The following PIK3CB variants were observed in gnomAD, a reference collection of about 807,000 sequenced individuals.
The protein encoded by PIK3CB is phosphatidylinositol 4,5-bisphosphate 3-kinase catalytic subunit beta isoform.
A neutral mutation model predicts 136.8 loss-of-function variants in PIK3CB; 39 were observed. The observed-to-expected ratio is 0.29, with a 90% CI of 0.22 to 0.37. PIK3CB has a LOEUF of 0.37. PIK3CB is among the 10% of genes least tolerant of loss of function. PIK3CB has a pLI of 1.00. For missense variants in PIK3CB, 868 were observed against 1,275.4 expected (o/e 0.68, Z 4.87); for synonymous variants, 428 against 436.6 (o/e 0.98, Z 0.25).
rs142968005 is a variant in PIK3CB at position 138,656,295 on chromosome 3, C to G, written c.2943-21G>C. On this transcript the variant is annotated intron_variant, in intron 22 of 23. Coordinates refer to ENST00000674063, the MANE Select transcript of PIK3CB (RefSeq NM_006219.3). The stretch of plus-strand genomic sequence containing the variant: ...GGAACCTTTGGGTGATGCAGCAAAC[C>G]ACATGAGCACAGTGTTAGAGGGGAG... The G allele has an allele frequency of 1.8e-4, 295 of 1,613,766 alleles. 1 individual carries two copies. In the African/African-American group the frequency reaches 3.6e-3, roughly 20 times the overall value.
chr3:138,680,727 T>C (rs1463426953), intron 19 of PIK3CB, among the ~76,000 whole-genome samples: 1 of 152,046 alleles, frequency 6.6e-6, no homozygotes, highest in Non-Finnish European at 1.5e-5. Context: ...TCGCTCTTGT[T>C]GCCCTGACTG....
intron 8 of PIK3CB, among the ~76,000 whole-genome samples, chr3:138,723,986 C>A (rs1272819340): frequency 6.6e-6 from 1 of 152,130 alleles, no homozygotes; most frequent in Non-Finnish European, 1.5e-5. Flanking sequence ...ACTTCAGACA[C>A]CAAATGTGAG....
At chr3:138,724,296 A>G (rs2044791888) in intron 8 of PIK3CB, among the ~76,000 whole-genome samples, 1 of 152,344 alleles carries the variant, frequency 6.6e-6, no homozygotes, top group African/African-American at 2.4e-5. Flanking sequence ...AGAAATGAAT[A>G]GCCAAATGAA....
intron 2 of PIK3CB, among the ~76,000 whole-genome samples, chr3:138,782,368 A>C (rs1259861776): frequency 6.6e-6 from 1 of 152,256 alleles, no homozygotes; most frequent in East Asian, 1.9e-4. Flanking sequence ...GCGAATGAAG[A>C]AACGATGGAA....
intron 10 of PIK3CB, chr3:138,707,518 T>G (rs1258907691): frequency 5.4e-6 from 7 of 1,293,488 alleles, no homozygotes; most frequent in Non-Finnish European, 6.8e-6. Flanking sequence ...CAAAACTGAA[T>G]GACTACTTTA....
chr3:138,696,238 A>T (rs1292756497), intron 13 of PIK3CB, among the ~76,000 whole-genome samples: 2 of 148,662 alleles, frequency 1.3e-5, no homozygotes, highest in African/African-American at 5.0e-5. Context: ...CCTGGAGTGC[A>T]GTGGCACTAT....
intron 8 of PIK3CB, among the ~76,000 whole-genome samples, chr3:138,727,147 A>C (rs2044856725): frequency 6.6e-6 from 1 of 152,312 alleles, no homozygotes; most frequent in East Asian, 1.9e-4. Context: ...CAGAGATGGA[A>C]GATGTTCAAG....
At chr3:138,741,085 G>T (rs1576375846) in intron 5 of PIK3CB, among the ~76,000 whole-genome samples, 1 of 152,140 alleles carries the variant, frequency 6.6e-6, no homozygotes, top group Non-Finnish European at 1.5e-5. Context: ...TTGAACTTTA[G>T]ACTCAACGTA....
At chr3:138,705,174 CA>C (rs1159172292) in intron 11 of PIK3CB, among the ~76,000 whole-genome samples, 5 of 57,062 alleles carry the variant, frequency 8.8e-5, no homozygotes, top group African/African-American at 4.3e-4. Flanking sequence ...AAAAAAAAAA[CA>C]AAAAACAAAA....
chr3:138,676,172 T>C (rs1242811654), intron 19 of PIK3CB, among the ~76,000 whole-genome samples: 2 of 152,116 alleles, frequency 1.3e-5, no homozygotes, highest in Non-Finnish European at 2.9e-5. Flanking sequence ...AATGGACATT[T>C]CACCAAAAAA....
rs2043154623 is a variant in PIK3CB at position 138,654,125 on chromosome 3, C to G, written c.*1264G>C. 1 of 202,672 alleles carries G rather than the reference C, an allele frequency of 4.9e-6. No individual in the cohort carries two copies. Among genetic ancestry groups the G allele is most frequent in the Non-Finnish European group, 1.0e-5 (1 of 98,802 alleles). 12.6% of individuals were successfully genotyped at this position (202,672 alleles called of 1,614,324 possible). Reference sequence around the variant, plus strand: ...ATAAAATTCCTATAGAAAGCTCAGTCATAGGGCAAATACTCAGTTCTCTTT... The same window carrying G: ...ATAAAATTCCTATAGAAAGCTCAGTGATAGGGCAAATACTCAGTTCTCTTT... On this transcript the variant is annotated 3_prime_UTR_variant, in exon 24 of 24. Coordinates refer to ENST00000674063, the MANE Select transcript of PIK3CB (RefSeq NM_006219.3).
chr3:138,717,634 T>C (rs1345062481), intron 8 of PIK3CB, among the ~76,000 whole-genome samples: 1 of 152,202 alleles, frequency 6.6e-6, no homozygotes, highest in African/African-American at 2.4e-5. Context: ...TATTTCATCA[T>C]CTAGGCATTA....
chr3:138,760,899 C>A (rs1029680969), intron 2 of PIK3CB, among the ~76,000 whole-genome samples: 1 of 151,882 alleles, frequency 6.6e-6, no homozygotes, highest in Non-Finnish European at 1.5e-5. Context: ...AAAGTGAGAC[C>A]CTGTCTTAAA....
intron 19 of PIK3CB, among the ~76,000 whole-genome samples, chr3:138,675,394 T>C (rs1459716444): frequency 6.6e-6 from 1 of 151,538 alleles, no homozygotes; most frequent in African/African-American, 2.4e-5. Flanking sequence ...GCAGAAAAAA[T>C]ATATGAAAAA....
At chr3:138,799,176 C>CTT (rs1157343453) in intron 1 of PIK3CB, among the ~76,000 whole-genome samples, 1,461 of 130,960 alleles carry the variant, frequency 0.011, 78 homozygotes, top group African/African-American at 0.043. Context: ...TCAAATCTTA[C>CTT]TTTTTTTTTT....
intron 15 of PIK3CB, among the ~76,000 whole-genome samples, chr3:138,690,024 T>C (rs2043974310): frequency 6.6e-6 from 1 of 152,142 alleles, no homozygotes. Context: ...ATACTTATTT[T>C]GTTATTCCCT....
chr3:138,706,182 G>A (rs1218930185), intron 11 of PIK3CB, among the ~76,000 whole-genome samples: 1 of 152,170 alleles, frequency 6.6e-6, no homozygotes, highest in Non-Finnish European at 1.5e-5. Flanking sequence ...GTAATTTGAG[G>A]CTCAATAATT....
At chr3:138,682,573 G>C (rs2043803910) in intron 18 of PIK3CB, among the ~76,000 whole-genome samples, 1 of 152,156 alleles carries the variant, frequency 6.6e-6, no homozygotes, top group African/African-American at 2.4e-5. Flanking sequence ...ACTATACGGA[G>C]AGTTCTTAAG....
chr3:138,696,137 C>T (rs1278091472), intron 13 of PIK3CB, among the ~76,000 whole-genome samples: 1 of 151,300 alleles, frequency 6.6e-6, no homozygotes, highest in Non-Finnish European at 1.5e-5. Context: ...TACATAGTTA[C>T]TTAGCAAATA....
Sources: gnomAD v4.1 joint callset for allele counts (sites outside exome capture counted in the v4.1 genomes callset) on GRCh38, gnomAD v4.1.1 for gene constraint, MANE v1.5 for transcripts, NCBI Gene and HGNC (gene_info 2026-07-23, HGNC 2026-07-21) for gene names.